Variants in LARGE1 observed in about 807,000 individuals in gnomAD.
LARGE1 encodes the protein xylosyl- and glucuronyltransferase LARGE1.
LARGE1 carries 43 observed loss-of-function variants against 87.6 expected under a neutral mutation model. That is an observed-to-expected ratio of 0.49 (90% CI 0.38 to 0.63). The LOEUF is 0.63. LARGE1 is among the 30% of genes least tolerant of loss of function. The pLI, the probability that LARGE1 is intolerant of heterozygous loss-of-function variation, is 0.00. For synonymous variants in LARGE1, 434 were observed against 394.6 expected, an observed-to-expected ratio of 1.10 and a Z score of -1.18; for missense variants, 802 against 1,000.2, an observed-to-expected ratio of 0.80 and a Z score of 2.67.
intron 2 of LARGE1, among the ~76,000 whole-genome samples, chr22:33,727,001 G>T (rs2083290946): frequency 1.3e-5 from 2 of 152,190 alleles, no homozygotes; most frequent in Non-Finnish European, 2.9e-5. Flanking sequence ...GATGTGAGTA[G>T]ATTTGGAAAA....
At chr22:33,482,237 ACT>A (rs1413475382) in intron 6 of LARGE1, among the ~76,000 whole-genome samples, 2 of 152,134 alleles carry the variant, frequency 1.3e-5, no homozygotes, top group East Asian at 1.9e-4. Context: ...CCTCTCGGAG[ACT>A]CTATCCCTCT....
At chr22:33,714,047 T>C (rs570786613) in intron 2 of LARGE1, among the ~76,000 whole-genome samples, 17 of 141,762 alleles carry the variant, frequency 1.2e-4, no homozygotes, top group African/African-American at 4.1e-4. Context: ...ACAAAATGAG[T>C]ACCCAGTGGT....
chr22:33,093,863 C>T, the LARGE1 span, among the ~76,000 whole-genome samples: 6 of 136,026 alleles, frequency 4.4e-5, no homozygotes, highest in East Asian at 6.4e-4. Flanking sequence ...GTTTTGCTCC[C>T]GTCTCCCAGG....
chr22:33,432,313 A>G (rs2067107650), intron 6 of LARGE1, 48 bp from the exon 7 acceptor site: 3 of 1,408,146 alleles, frequency 2.1e-6, no homozygotes, highest in Non-Finnish European at 3.0e-6. Flanking sequence ...AAGCCAAGCC[A>G]TCTGGATCAG....
intron 4 of LARGE1, among the ~76,000 whole-genome samples, chr22:33,618,543 C>T (rs909777565): frequency 7.2e-5 from 11 of 152,196 alleles, no homozygotes; most frequent in African/African-American, 2.7e-4. Context: ...ATGGGTATGA[C>T]CAAATACCAT....
chr22:33,385,289 A>G (rs2147144659), intron 7 of LARGE1, among the ~76,000 whole-genome samples: 1 of 148,174 alleles, frequency 6.7e-6, no homozygotes, highest in African/African-American at 2.4e-5. Flanking sequence ...CTGTAAACCC[A>G]GCACTTTGGG....
chr22:33,774,449 C>T (rs1197666644), intron 1 of LARGE1, among the ~76,000 whole-genome samples: 4 of 152,048 alleles, frequency 2.6e-5, no homozygotes, highest in Admixed American at 6.6e-5. Flanking sequence ...CCCCACCTCC[C>T]GGGTTGAAGC....
intron 1 of LARGE1, among the ~76,000 whole-genome samples, chr22:33,916,605 G>A (rs561235976): frequency 3.9e-5 from 6 of 152,164 alleles, no homozygotes; most frequent in Non-Finnish European, 8.8e-5. Flanking sequence ...CTGTATCCCC[G>A]AGGTGTGTCA....
chr22:33,382,504 C>G (rs1373331712), intron 8 of LARGE1, among the ~76,000 whole-genome samples: 5 of 152,176 alleles, frequency 3.3e-5, no homozygotes, highest in Admixed American at 6.5e-5. Context: ...TTCAGCAGTG[C>G]TTCCTGGGGC....
intron 1 of LARGE1, among the ~76,000 whole-genome samples, chr22:33,794,508 C>T (rs529539474): frequency 2.0e-5 from 3 of 152,308 alleles, no homozygotes; most frequent in African/African-American, 7.2e-5. Flanking sequence ...AGAGTTCCAA[C>T]CCCAGTCTAT....
intron 11 of LARGE1, among the ~76,000 whole-genome samples, chr22:33,265,262 A>G (rs1927869766): frequency 6.6e-6 from 1 of 152,098 alleles, no homozygotes; most frequent in Admixed American, 6.6e-5. Flanking sequence ...GCCTCTAGCA[A>G]TAATCCTGGT....
At chr22:33,403,844 TCCAC>T (rs1270144019) in intron 7 of LARGE1, among the ~76,000 whole-genome samples, 2 of 152,190 alleles carry the variant, frequency 1.3e-5, no homozygotes, top group Non-Finnish European at 2.9e-5. Flanking sequence ...TCTCAGGCGA[TCCAC>T]CCACCTCCCA....
At position 33,611,204 on chromosome 22, in the gene LARGE1, T is replaced by C. The variant is rs115404739; in HGVS notation, c.492-6646A>G. Among the ~76,000 whole-genome samples the C allele has an allele frequency of 4.0e-3, 602 of 152,074 alleles. 5 individuals are homozygous for C. Among genetic ancestry groups the C allele is most frequent in the African/African-American group, 0.014 (587 of 41,498 alleles). ...AGCAGAGCTGTGGGAAGGGGGCCAC[T>C]ATCGTCCACATTCTAGAATGGTAGA... is the stretch of plus-strand genomic sequence containing the variant. On this transcript the variant is annotated intron_variant, in intron 4 of 14. Coordinates refer to ENST00000397394, the MANE Select transcript of LARGE1 (RefSeq NM_133642.5).
At chr22:33,882,039 T>G (rs1209883817) in intron 1 of LARGE1, among the ~76,000 whole-genome samples, 4 of 148,778 alleles carry the variant, frequency 2.7e-5, no homozygotes, top group African/African-American at 1.0e-4. Context: ...GTTTTTGTTT[T>G]TTTTTGTTTT....
At chr22:33,213,194 C>T (rs1478883570) in intron 11 of LARGE1, among the ~76,000 whole-genome samples, 9 of 152,020 alleles carry the variant, frequency 5.9e-5, no homozygotes, top group Admixed American at 2.0e-4. Flanking sequence ...TTAGAAGTAG[C>T]GTGTGAAGAG....
chr22:33,510,632 A>G (rs2899207), intron 6 of LARGE1, among the ~76,000 whole-genome samples: 2 of 152,284 alleles, frequency 1.3e-5, no homozygotes, highest in African/African-American at 2.4e-5. Flanking sequence ...CTGGGGTGCA[A>G]TGATGCAATC....
At chr22:33,855,740 T>G (rs2063738921) in intron 1 of LARGE1, among the ~76,000 whole-genome samples, 1 of 151,616 alleles carries the variant, frequency 6.6e-6, no homozygotes, top group South Asian at 2.1e-4. Flanking sequence ...AGTGGGGGGG[T>G]TCCTTACTTT....
chr22:33,260,840 C>G (rs983944090), intron 11 of LARGE1, among the ~76,000 whole-genome samples: 1 of 152,172 alleles, frequency 6.6e-6, no homozygotes, highest in Non-Finnish European at 1.5e-5. Flanking sequence ...CTGGCAGGTT[C>G]TGAAAGAGCA....
chr22:33,717,198 T>C (rs906302901), intron 2 of LARGE1, among the ~76,000 whole-genome samples: 7 of 152,140 alleles, frequency 4.6e-5, no homozygotes, highest in African/African-American at 1.7e-4. Flanking sequence ...CTCACTTACC[T>C]TCCTACCCAT....
Sources: gnomAD v4.1 joint callset for allele counts (sites outside exome capture counted in the v4.1 genomes callset) on GRCh38, gnomAD v4.1.1 for gene constraint, MANE v1.5 for transcripts, NCBI Gene and HGNC (gene_info 2026-07-23, HGNC 2026-07-21) for gene names.